Variants in ZNF676 observed in about 807,000 individuals in gnomAD.
ZNF676 encodes zinc finger protein 676.
ZNF676 carries 4 observed loss-of-function variants against 6.0 expected under a neutral mutation model. That is an observed-to-expected ratio of 0.67 (90% CI 0.33 to 1.53). ZNF676 has a LOEUF of 1.53. Among genes scored for constraint, ZNF676 ranks in the 40% most tolerant of loss-of-function variants. The pLI is 0.06. For synonymous variants in ZNF676, 198 were observed against 223.1 expected, an observed-to-expected ratio of 0.89 and a Z score of 1.00; for missense variants, 644 against 679.7, an observed-to-expected ratio of 0.95 and a Z score of 0.58.
At chr19:22,212,210 A>AAG (rs1555775623) in intron 1 of ZNF676, among the ~76,000 whole-genome samples, 2 of 150,724 alleles carry the variant, frequency 1.3e-5, no homozygotes, top group African/African-American at 2.4e-5. Context: ...AAAAAAAAAA[A>AAG]AAAAGAAAAG....
At chr19:22,230,967 A>C in the ZNF676 span, among the ~76,000 whole-genome samples, 18 of 152,094 alleles carry the variant, frequency 1.2e-4, no homozygotes, top group Middle Eastern at 0.014. Flanking sequence ...CAAAAAAAAA[A>C]GGGGGGATTA....
chr19:22,230,877 C>T, the ZNF676 span, among the ~76,000 whole-genome samples: 59 of 151,494 alleles, frequency 3.9e-4, no homozygotes, highest in Middle Eastern at 3.4e-3. Flanking sequence ...CCAGGCTGGT[C>T]TCGAACTCCT....
At position 22,179,506 on chromosome 19, in the gene ZNF676, A is replaced by G; in HGVS notation, c.*444T>C. 2 of 421,046 alleles carry G rather than the reference A, an allele frequency of 4.8e-6. No individual in the cohort carries two copies. The highest frequency in any genetic ancestry group is 4.1e-5 in the South Asian group (2 of 48,948). 26.1% of individuals were successfully genotyped at this position (421,046 alleles called of 1,614,324 possible). A position where few individuals can be genotyped will look rare whatever the true frequency, so the allele number is the denominator to read the frequency against. ...TTAGTAAGGATTGAGGAACAGCTAA[A>G]AGGCTTGCCACATTCTTCACATTTG... On this transcript the variant is annotated 3_prime_UTR_variant, in exon 3 of 3. Coordinates refer to ENST00000397121, the MANE Select transcript of ZNF676 (RefSeq NM_001001411.3).
intron 2 of ZNF676, 29 bp from the exon 3 acceptor site, chr19:22,181,615 T>C: frequency 1.4e-6 from 2 of 1,464,330 alleles, no homozygotes; most frequent in Non-Finnish European, 1.8e-6. Flanking sequence ...AACAAATTAA[T>C]CTACATATTA....
chr19:22,182,291 G>A (rs536922853), intron 2 of ZNF676, among the ~76,000 whole-genome samples: 1 of 152,164 alleles, frequency 6.6e-6, no homozygotes, highest in African/African-American at 2.4e-5. Flanking sequence ...CCAGGACAAA[G>A]CTACATTATA....
upstream of ZNF676, among the ~76,000 whole-genome samples, chr19:22,199,462 A>G (rs971224676): frequency 6.6e-6 from 1 of 152,244 alleles, no homozygotes; most frequent in Admixed American, 6.5e-5. Flanking sequence ...ATGTTTATTA[A>G]GCAGGTACTA....
At chr19:22,199,600 ATTTG>A (rs923753077), upstream of ZNF676, among the ~76,000 whole-genome samples, 17 of 152,270 alleles carry the variant, frequency 1.1e-4, no homozygotes, top group East Asian at 2.5e-3. Context: ...TTTTATTTCT[ATTTG>A]TTTATCTGTC....
chr19:22,232,750 A>G, the ZNF676 span, among the ~76,000 whole-genome samples: 1 of 152,116 alleles, frequency 6.6e-6, no homozygotes, highest in African/African-American at 2.4e-5. Context: ...ACAGTATGAA[A>G]CAATAATAGA....
Position 22,179,532 on chromosome 19 carries a change from T to C in ZNF676, c.*418A>G, listed in dbSNP as rs564852507. ...AGGCTTGCCACATTCTTCACATTTG[T>C]AGGGTTTCCCTCCTGTATAAATTCC... On this transcript the variant is annotated 3_prime_UTR_variant, in exon 3 of 3. Coordinates refer to ENST00000397121, the MANE Select transcript of ZNF676 (RefSeq NM_001001411.3). 6 of 440,324 alleles carry C rather than the reference T, an allele frequency of 1.4e-5. No individual in the cohort carries two copies. The highest frequency in any genetic ancestry group is 1.2e-4 in the African/African-American group (6 of 49,406). 27.3% of individuals were successfully genotyped at this position (440,324 alleles called of 1,614,324 possible). A position where few individuals can be genotyped will look rare whatever the true frequency, so the allele number is the denominator to read the frequency against.
At chr19:22,196,541 C>A in intron 1 of ZNF676, 59 bp downstream of exon 1, 1 of 1,612,632 alleles carries the variant, frequency 6.2e-7, no homozygotes, top group Non-Finnish European at 8.5e-7. Flanking sequence ...CCAATAAGGT[C>A]TGCAGCAAAA....
chr19:22,233,965 A>C, the ZNF676 span, among the ~76,000 whole-genome samples: 1 of 152,124 alleles, frequency 6.6e-6, no homozygotes, highest in Non-Finnish European at 1.5e-5. Context: ...CTCTTCCCCA[A>C]ATTTCTTTGT....
At position 22,179,328 on chromosome 19, in the gene ZNF676, A is replaced by C. The variant is rs1220523186; in HGVS notation, c.*622T>G. ...AGCCTATGTTTCTTAAGAATTGAGGATCTGTTAGAGGCTTTCCCACATTCT... is the reference window on the plus strand; with the variant it reads ...AGCCTATGTTTCTTAAGAATTGAGGCTCTGTTAGAGGCTTTCCCACATTCT... On this transcript the variant is annotated 3_prime_UTR_variant, in exon 3 of 3. Coordinates refer to ENST00000397121, the MANE Select transcript of ZNF676 (RefSeq NM_001001411.3). 5.3e-6 allele frequency: 1 copy of C among 189,914 alleles called. No individual in the cohort carries two copies. The highest frequency in any genetic ancestry group is 5.4e-5 in the Admixed American group (1 of 18,682). The allele number at this position is 189,914 out of a possible 1,614,324, so 11.8% of individuals were successfully genotyped here. A position where few individuals can be genotyped will look rare whatever the true frequency, so the allele number is the denominator to read the frequency against.
Position 22,211,360 on chromosome 19 carries a change from G to A in ZNF676, c.3+4272C>T, listed in dbSNP as rs537796792. Reference sequence around the variant, plus strand: ...ACTAAATGGGCCTTTAATAACCTCCGTTTGCTAGCTCAAAATTAACCTTAG... The same window carrying A: ...ACTAAATGGGCCTTTAATAACCTCCATTTGCTAGCTCAAAATTAACCTTAG... On this transcript the variant is annotated intron_variant, in intron 1 of 3. Coordinates refer to the ZNF676 transcript ENST00000650058. 1.5e-3 allele frequency among the ~76,000 whole-genome samples: 229 copies of A among 152,106 alleles called. 1 individual carries two copies. Among genetic ancestry groups the A allele is most frequent in the African/African-American group, 5.1e-3 (210 of 41,472 alleles).
the ZNF676 span, among the ~76,000 whole-genome samples, chr19:22,253,333 G>T: frequency 2.1e-5 from 3 of 144,690 alleles, no homozygotes; most frequent in Admixed American, 1.4e-4. Context: ...TCACCTGAGG[G>T]ATATGTATAT....
Position 22,179,257 on chromosome 19 carries a change from G to A in ZNF676, c.*693C>T, listed in dbSNP as rs558542255. 3.1e-5 allele frequency: 5 copies of A among 159,232 alleles called. No homozygotes were observed. Among genetic ancestry groups the A allele is most frequent in the African/African-American group, 1.2e-4 (5 of 41,464 alleles). 9.9% of individuals were successfully genotyped at this position (159,232 alleles called of 1,614,324 possible). On this transcript the variant is annotated 3_prime_UTR_variant, in exon 3 of 3. Transcript: ENST00000397121. ...AGAAAAGTCTGAGGTGTTGCCAAAA[G>A]CATTGTCACATCTTTCAGGTTTGTA...
At chr19:22,232,158 A>ATTTCT in the ZNF676 span, among the ~76,000 whole-genome samples, 59 of 151,706 alleles carry the variant, frequency 3.9e-4, no homozygotes, top group Admixed American at 1.4e-3. Context: ...ACAATAGCAT[A>ATTTCT]TTTCTTTTCT....
At chr19:22,209,772 C>G (rs1396921903) in intron 1 of ZNF676, among the ~76,000 whole-genome samples, 3 of 152,134 alleles carry the variant, frequency 2.0e-5, no homozygotes, top group South Asian at 2.1e-4. Context: ...GTCCATGCAG[C>G]CAGATAAGAT....
At chr19:22,206,605 T>A (rs529190507) in intron 1 of ZNF676, among the ~76,000 whole-genome samples, 1 of 151,282 alleles carries the variant, frequency 6.6e-6, no homozygotes, top group Non-Finnish European at 1.5e-5. Context: ...AACCTGGGAG[T>A]CAGAGGTTGC....
Position 22,196,815 on chromosome 19 carries a change from A to G in ZNF676, c.-182T>C. 1 of 1,219,134 alleles carries G rather than the reference A, an allele frequency of 8.2e-7. No individual in the cohort carries two copies. Among genetic ancestry groups the G allele is most frequent in the Non-Finnish European group, 1.2e-6 (1 of 850,374 alleles). The allele number at this position is 1,219,134 out of a possible 1,614,324, so 75.5% of individuals were successfully genotyped here. ...TCAAGGTAAAATGGAGAGAGTAGAG[A>G]GAGCTGGTTCTGACTTATATGAATG... On this transcript the variant is annotated 5_prime_UTR_variant, in exon 1 of 3. Coordinates refer to ENST00000397121, the MANE Select transcript of ZNF676 (RefSeq NM_001001411.3).
Sources: allele counts gnomAD v4.1 joint callset (sites outside exome capture counted in the v4.1 genomes callset), GRCh38; gene constraint gnomAD v4.1.1; transcripts MANE v1.5; gene names NCBI Gene and HGNC (gene_info 2026-07-23, HGNC 2026-07-21).